UTP20: variants seen among roughly 807,000 people sequenced by gnomAD.
UTP20 encodes the protein UTP20 small subunit processome component, also known as small subunit processome component 20 homolog.
In UTP20, 164 loss-of-function variants were observed where a neutral mutation model predicts 329.5. The observed-to-expected ratio is 0.50, with a 90% CI of 0.44 to 0.57. UTP20 has a LOEUF of 0.57. Among genes scored for constraint, UTP20 ranks in the 20% least tolerant of loss-of-function variants. The pLI is 0.00. For missense variants in UTP20, 3,055 were observed against 3,284.2 expected, an observed-to-expected ratio of 0.93 and a Z score of 1.71; for synonymous variants, 1,151 against 1,159.3, an observed-to-expected ratio of 0.99 and a Z score of 0.14.
Position 101,302,441 on chromosome 12 carries a change from C to G in UTP20, c.1676-7C>G. 1 of 1,557,676 alleles carries G rather than the reference C, an allele frequency of 6.4e-7. No homozygotes were observed. The highest frequency in any genetic ancestry group is 1.4e-5 in the African/African-American group (1 of 73,376). On this transcript the variant is annotated splice_polypyrimidine_tract_variant and splice_region_variant and intron_variant, in intron 14 of 61. Coordinates refer to ENST00000261637, the MANE Select transcript of UTP20 (RefSeq NM_014503.3). ...TAATGTGGTTTCTCCTGTTTTTCTG[C>G]CCTTAGGAAACTTATTTGTTCTTTG...
At chr12:101,350,542 A>G (rs1869482063) in intron 38 of UTP20, among the ~76,000 whole-genome samples, 1 of 152,048 alleles carries the variant, frequency 6.6e-6, no homozygotes, top group Non-Finnish European at 1.5e-5. Context: ...ATTCCTGAGA[A>G]TTATTCTCAG....
intron 2 of UTP20, among the ~76,000 whole-genome samples, 179 bp from the exon 3 acceptor site, chr12:101,285,391 A>G (rs763712869): frequency 2.6e-5 from 4 of 152,210 alleles, no homozygotes; most frequent in Non-Finnish European, 4.4e-5. Context: ...TAAGTGGCCT[A>G]TTGATAACTT....
At chr12:101,378,622 G>A (rs1386283056) in intron 56 of UTP20, among the ~76,000 whole-genome samples, 3 of 152,078 alleles carry the variant, frequency 2.0e-5, no homozygotes, top group Non-Finnish European at 2.9e-5. Flanking sequence ...AGGAGGCTGA[G>A]GCAGGGGGAT....
chr12:101,356,767 T>C, intron 42 of UTP20, 74 bp downstream of exon 42: 1 of 1,537,306 alleles, frequency 6.5e-7, no homozygotes, highest in Non-Finnish European at 8.8e-7. Context: ...TTTGAGTCTC[T>C]TTTGTCAGGA....
rs150567370 is a variant in UTP20, at chr12:101,346,239, G to A, written c.4747-212G>A. 8.3e-4 allele frequency among the ~76,000 whole-genome samples: 127 copies of A among 152,136 alleles called. 1 individual carries two copies. Among genetic ancestry groups the A allele is most frequent in the East Asian group, 8.1e-3 (42 of 5,158 alleles). Reference sequence around the variant, plus strand: ...GCTAATTTTGTATTTTAGTAGAGACGGGGTTTTCTCCATGTTGATCAGGCT... The same window carrying A: ...GCTAATTTTGTATTTTAGTAGAGACAGGGTTTTCTCCATGTTGATCAGGCT... On this transcript the variant is annotated intron_variant, in intron 37 of 61. Transcript: ENST00000261637.
chr12:101,307,343 G>C (rs1872668703), intron 17 of UTP20, among the ~76,000 whole-genome samples: 1 of 150,918 alleles, frequency 6.6e-6, no homozygotes, highest in African/African-American at 2.4e-5. Context: ...AACAAATGGG[G>C]TTTTTCCATA....
In UTP20 at chr12:101,287,263, A is replaced by G. The variant is rs181530968; in HGVS notation, c.515+754A>G. 2.0e-3 allele frequency among the ~76,000 whole-genome samples: 307 copies of G among 152,324 alleles called. 1 individual carries two copies. The highest frequency in any genetic ancestry group is 6.6e-3 in the African/African-American group (276 of 41,564). On this transcript the variant is annotated intron_variant, in intron 5 of 61. Transcript: ENST00000261637. ...CCACCGTTCTCTTTTAGGAACTTTGAATGAAGAAAGAGAAAGAAATCTTTT... is the reference window on the plus strand; with the variant it reads ...CCACCGTTCTCTTTTAGGAACTTTGGATGAAGAAAGAGAAAGAAATCTTTT...
intron 49 of UTP20, 146 bp downstream of exon 49, chr12:101,370,037 G>A: frequency 1.6e-6 from 1 of 622,766 alleles, no homozygotes; most frequent in African/African-American, 2.0e-5. Context: ...AGCATAACGA[G>A]ACCCCGTGTC....
At position 101,299,720 on chromosome 12, in the gene UTP20, G is replaced by A. The variant is rs2137242205; in HGVS notation, c.1469G>A (p.Arg490Lys). 1 of 1,605,990 alleles carries A rather than the reference G, an allele frequency of 6.2e-7. No individual in the cohort carries two copies. The highest frequency in any genetic ancestry group is 1.7e-5 in the Admixed American group (1 of 58,180). ...IKQKKTRSKGRNEQFPVLDHL... is the reference protein window; with the variant it reads ...IKQKKTRSKGKNEQFPVLDHL... ...CAGAAGAAGACTAGATCCAAGGGAAGAAACGAACAGTTTCCAGTATTGGAC... is the reference window on the plus strand; with the variant it reads ...CAGAAGAAGACTAGATCCAAGGGAAAAAACGAACAGTTTCCAGTATTGGAC... Residue 490 changes from arginine (R) to lysine (K), a missense_variant, in exon 13 of 62, where the codon AGA (arginine) becomes AAA (lysine). Physicochemically the swap from Arg to Lys is conservative, Grantham distance 26 (BLOSUM62 2). Around this residue, in one of 3 missense-constraint regions of UTP20, gnomAD observed 2,445 missense variants for 2,575.5 expected, o/e 0.95. Transcript: ENST00000261637.
In UTP20 at chr12:101,319,612, A is replaced by G; in HGVS notation, c.2806A>G (p.Lys936Glu). 6.2e-7 allele frequency: 1 copy of G among 1,607,306 alleles called. No homozygotes were observed. Among genetic ancestry groups the G allele is most frequent in the Non-Finnish European group, 8.5e-7 (1 of 1,178,896 alleles). Residue 936 changes from lysine (K) to glutamate (E), a missense_variant, in exon 23 of 62, where the codon AAA (lysine) becomes GAA (glutamate). By Grantham distance (56) the Lys-to-Glu change is moderately conservative. This residue lies in a region of UTP20 where 2,445 missense variants were observed against 2,575.5 expected (regional missense o/e 0.95). Coordinates refer to ENST00000261637, the MANE Select transcript of UTP20 (RefSeq NM_014503.3). Reference sequence around the variant, plus strand: ...TCCACGGGCCTTATATCTGGAATCCAAACTATATGAGTTATATCTTCAGGT... The same window carrying G: ...TCCACGGGCCTTATATCTGGAATCCGAACTATATGAGTTATATCTTCAGGT... ...SNPRALYLES[K>E]LYELYLQLLL...
intron 31 of UTP20, among the ~76,000 whole-genome samples, chr12:101,340,051 C>T (rs998741795): frequency 1.3e-5 from 2 of 152,120 alleles, no homozygotes; most frequent in Non-Finnish European, 2.9e-5. Flanking sequence ...TGCTGTACTT[C>T]TTCTAGCTGT....
Position 101,369,878 on chromosome 12 carries a change from T to A in UTP20, c.6542T>A (p.Val2181Asp). The A allele has an allele frequency of 6.2e-7, 1 of 1,613,682 alleles. No individual in the cohort carries two copies. Among genetic ancestry groups the A allele is most frequent in the Non-Finnish European group, 8.5e-7 (1 of 1,179,830 alleles). Reference sequence around the variant, plus strand: ...AGGGGCCAGAACTTCCACCTTGTGGTCAATTGTTTCAAGGTGAGATGTCTT... The same window carrying A: ...AGGGGCCAGAACTTCCACCTTGTGGACAATTGTTTCAAGGTGAGATGTCTT... ...AARGQNFHLV[V>D]NCFKCVTILV... The change falls in exon 49 of 62, where the codon GTC (valine) becomes GAC (aspartate). Residue 2181 changes from valine to aspartate, a missense_variant. This residue lies in a region of UTP20 where 2,445 missense variants were observed against 2,575.5 expected (regional missense o/e 0.95). Coordinates refer to ENST00000261637, the MANE Select transcript of UTP20 (RefSeq NM_014503.3).
At position 101,292,004 on chromosome 12, in the gene UTP20, C is replaced by T. The variant is rs1340664116; in HGVS notation, c.1073C>T (p.Ser358Phe). Residue 358 changes from serine (S) to phenylalanine (F), a missense_variant, in exon 10 of 62, where the codon TCC becomes TTC. Around this residue, in one of 3 missense-constraint regions of UTP20, gnomAD observed 2,445 missense variants for 2,575.5 expected, o/e 0.95. Coordinates refer to ENST00000261637, the MANE Select transcript of UTP20 (RefSeq NM_014503.3). ...LSQTLQVASL[S>F]TSCWETLLDV... Reference sequence around the variant, plus strand: ...CAAACACTGCAAGTAGCCAGTCTCTCCACATCTTGCTGGGAGACCCTCTTG... The same window carrying T: ...CAAACACTGCAAGTAGCCAGTCTCTTCACATCTTGCTGGGAGACCCTCTTG... The T allele has an allele frequency of 1.2e-6, 2 of 1,614,056 alleles. No individual in the cohort carries two copies. The highest frequency in any genetic ancestry group is 2.2e-5 in the East Asian group (1 of 44,874).
At chr12:101,366,992 G>A (rs1870115402) in intron 47 of UTP20, among the ~76,000 whole-genome samples, 1 of 151,926 alleles carries the variant, frequency 6.6e-6, no homozygotes, top group African/African-American at 2.4e-5. Context: ...TTAAGAGATG[G>A]TGAGTGGCCA....
chr12:101,345,794 G>C, intron 37 of UTP20, 100 bp downstream of exon 37: 2 of 1,133,514 alleles, frequency 1.8e-6, no homozygotes, highest in Non-Finnish European at 2.4e-6. Flanking sequence ...TTCCAAAAAG[G>C]TTTAAGCTTC....
intron 24 of UTP20, 110 bp from the exon 25 acceptor site, chr12:101,321,394 T>G (rs1868368778): frequency 3.5e-6 from 5 of 1,438,660 alleles, no homozygotes; most frequent in Middle Eastern, 2.6e-4. Flanking sequence ...AACCATAATA[T>G]GTACTATATA....
In UTP20 at chr12:101,317,741, A is replaced by G. The variant is rs951297366; in HGVS notation, c.2738+78A>G. 8.1e-6 allele frequency: 11 copies of G among 1,361,572 alleles called. No homozygotes were observed. In the Admixed American group the frequency reaches 1.3e-4, roughly 16 times the overall value. 84.3% of individuals were successfully genotyped at this position (1,361,572 alleles called of 1,614,324 possible). ...GAAGAGGTCTCTTACGGCTTTATAC[A>G]AAATCAACTACTCAGATAATTATTT... On this transcript the variant is annotated intron_variant, in intron 22 of 61. Coordinates refer to ENST00000261637, the MANE Select transcript of UTP20 (RefSeq NM_014503.3).
In UTP20 at chr12:101,385,598, A is replaced by G. The variant is rs774752571; in HGVS notation, c.8072A>G (p.Asn2691Ser). 1 of 1,612,574 alleles carries G rather than the reference A, an allele frequency of 6.2e-7. No individual in the cohort carries two copies. Among genetic ancestry groups the G allele is most frequent in the Middle Eastern group, 1.7e-4 (1 of 6,048 alleles). Residue 2691 changes from asparagine to serine, a missense_variant, in exon 61 of 62, where the codon AAT becomes AGT. Asn to Ser is a conservative substitution (Grantham distance 46). Around this residue, in one of 3 missense-constraint regions of UTP20, gnomAD observed 337 missense variants for 345.5 expected, o/e 0.98. Transcript: ENST00000261637. ...TYSEQDPLLK[N>S]LSQEIIELLK... is the part of the protein sequence containing the mutation. ...GTGTGATTAGATCCTTTGCTGAAGA[A>G]TCTATCCCAGGAAATCATAGAATTA...
chr12:101,343,050 A>T lies in UTP20; in HGVS notation c.4406A>T (p.Asn1469Ile). The change falls in exon 35 of 62, where the codon AAC (asparagine) becomes ATC (isoleucine). Residue 1469 changes from asparagine (N) to isoleucine (I), a missense_variant. Asn to Ile is a moderately radical substitution (Grantham distance 149, BLOSUM62 -3). Coordinates refer to ENST00000261637, the MANE Select transcript of UTP20 (RefSeq NM_014503.3). ...AAAGAAATGCAAATTGTGGATGTTA[A>T]CTACCTAATTCCAGTTATGCATAAT... ...YIKEMQIVDV[N>I]YLIPVMHNCF... 6.2e-7 allele frequency: 1 copy of T among 1,612,582 alleles called. No homozygotes were observed. The highest frequency in any genetic ancestry group is 8.5e-7 in the Non-Finnish European group (1 of 1,178,852).
Sources: allele counts gnomAD v4.1 joint callset (sites outside exome capture counted in the v4.1 genomes callset), GRCh38; gene constraint gnomAD v4.1.1; regional missense constraint gnomAD v4.1.1; transcripts MANE v1.5; gene names NCBI Gene and HGNC (gene_info 2026-07-23, HGNC 2026-07-21).